Variants in CA4 observed in about 807,000 individuals in gnomAD.
CA4 encodes CA-IV.
Under a neutral mutation model 34.5 loss-of-function variants are expected in CA4, and 24 were observed. That is an observed-to-expected ratio of 0.70 (90% CI 0.50 to 0.98). CA4 has a LOEUF of 0.98. Among genes scored for constraint, CA4 ranks in the 50% least tolerant of loss-of-function variants. The probability of loss-of-function intolerance (pLI) is 0.00; values close to 1 mark genes in which losing one functional copy is unlikely to be tolerated. For synonymous variants in CA4, 178 were observed against 170.6 expected (o/e 1.04, Z -0.34); for missense variants, 394 against 396.7 (o/e 0.99, Z 0.06).
chr17:60,158,040 G>C (rs759342260), intron 5 of CA4, 21 bp from the exon 6 acceptor site: 2 of 1,613,470 alleles, frequency 1.2e-6, no homozygotes, highest in Non-Finnish European at 1.7e-6. Context: ...ACTTTCTCAA[G>C]ACCCTTCCCT....
rs1364178011 is a variant in CA4 at position 60,157,793 on chromosome 17, G to T, written c.513+5G>T. 1 of 1,610,240 alleles carries T rather than the reference G, an allele frequency of 6.2e-7. No individual in the cohort carries two copies. The highest frequency in any genetic ancestry group is 8.5e-7 in the Non-Finnish European group (1 of 1,176,504). On this transcript the variant is annotated splice_donor_5th_base_variant and intron_variant, in intron 5 of 7. Transcript: ENST00000300900. ...GTGCTGGCCTTTCTGGTGGAGGTGG[G>T]ACTCCCATCCCCCACTTCCCGGGGA...
downstream of CA4, among the ~76,000 whole-genome samples, chr17:60,162,503 T>C (rs1192203538): frequency 6.6e-6 from 1 of 150,444 alleles, no homozygotes; most frequent in Admixed American, 6.6e-5. Context: ...CCCTGAGCCC[T>C]CCTTTCATTC....
downstream of CA4, among the ~76,000 whole-genome samples, chr17:60,161,339 A>G (rs2083786209): frequency 6.6e-6 from 1 of 152,110 alleles, no homozygotes; most frequent in Admixed American, 6.5e-5. Flanking sequence ...CGCAGCTGTC[A>G]GACCTCATCA....
chr17:60,164,687 G>A lies in CA4; in HGVS notation c.*179-5864G>A, dbSNP rs571198556. Among the ~76,000 whole-genome samples the A allele has an allele frequency of 5.9e-5, 9 of 152,206 alleles. No homozygotes were observed. In the South Asian group the frequency reaches 1.0e-3, roughly 18 times the overall value. ...ATTATAGGCATGAGCCACCATGCCC[G>A]GCCTTAATCTTTCAACAAACACTAT... On this transcript the variant is annotated intron_variant and NMD_transcript_variant, in intron 5 of 5. Transcript: ENST00000586876.
Position 60,155,303 on chromosome 17 carries a change from C to T in CA4, c.59-11C>T, listed in dbSNP as rs1241099723. ...CGCACGCACACTTCACACCCTTCCTCTCTGCTCCAGAGTCACACTGGTGCT... is the reference window on the plus strand; with the variant it reads ...CGCACGCACACTTCACACCCTTCCTTTCTGCTCCAGAGTCACACTGGTGCT... On this transcript the variant is annotated splice_polypyrimidine_tract_variant and intron_variant, in intron 1 of 7. Transcript: ENST00000300900. 3.1e-6 allele frequency: 5 copies of T among 1,611,182 alleles called. No individual in the cohort carries two copies. Among genetic ancestry groups the T allele is most frequent in the Non-Finnish European group, 4.2e-6 (5 of 1,178,736 alleles).
chr17:60,161,464 C>T (rs924258309), downstream of CA4, among the ~76,000 whole-genome samples: 1 of 152,044 alleles, frequency 6.6e-6, no homozygotes, highest in Non-Finnish European at 1.5e-5. Context: ...GCTGAGAGTC[C>T]GGAGGTAGAG....
At chr17:60,172,020 A>T (rs1290173394), downstream of CA4, among the ~76,000 whole-genome samples, 1 of 152,092 alleles carries the variant, frequency 6.6e-6, no homozygotes, top group African/African-American at 2.4e-5. Flanking sequence ...GCCTCTGATG[A>T]TGGCCGTAGG....
At chr17:60,150,935 G>T (rs370054711) in intron 1 of CA4, among the ~76,000 whole-genome samples, 1 of 152,102 alleles carries the variant, frequency 6.6e-6, no homozygotes, top group African/African-American at 2.4e-5. Context: ...GGCGGGGGCG[G>T]GGGGTGGGGG....
At chr17:60,158,663 T>A (rs1597996581) in intron 7 of CA4, 1 of 596,732 alleles carries the variant, frequency 1.7e-6, no homozygotes, top group Non-Finnish European at 3.0e-6. Context: ...GAAGGTGGAG[T>A]CATTCAGAAA....
chr17:60,178,206 T>G, the CA4 span, among the ~76,000 whole-genome samples: 2 of 152,230 alleles, frequency 1.3e-5, no homozygotes, highest in East Asian at 3.8e-4. Flanking sequence ...GGATGTGTTT[T>G]GTTTGTAATT....
chr17:60,153,017 C>T (rs892355130), intron 1 of CA4, among the ~76,000 whole-genome samples: 3 of 152,180 alleles, frequency 2.0e-5, no homozygotes, highest in Non-Finnish European at 2.9e-5. Flanking sequence ...ATCTGGAGAG[C>T]AAAGGCATTC....
At chr17:60,178,045 G>T in the CA4 span, among the ~76,000 whole-genome samples, 1 of 151,922 alleles carries the variant, frequency 6.6e-6, no homozygotes, top group Non-Finnish European at 1.5e-5. Flanking sequence ...AGTAAGCAAA[G>T]AAACATAACT....
At chr17:60,151,256 C>A (rs889519226) in intron 1 of CA4, among the ~76,000 whole-genome samples, 1 of 152,068 alleles carries the variant, frequency 6.6e-6, no homozygotes, top group Non-Finnish European at 1.5e-5. Flanking sequence ...AAGTTAGGTG[C>A]TCCATCCTCA....
intron 2 of CA4, among the ~76,000 whole-genome samples, chr17:60,155,897 T>C (rs2083675580): frequency 6.6e-6 from 1 of 152,224 alleles, no homozygotes; most frequent in Non-Finnish European, 1.5e-5. Context: ...GCAGGGTGCC[T>C]GAGTGATGGT....
In CA4 at chr17:60,156,723, G is replaced by A. The variant is rs2083692251; in HGVS notation, c.268+8G>A. 7 of 1,613,434 alleles carry A rather than the reference G, an allele frequency of 4.3e-6. No individual in the cohort carries two copies. The highest frequency in any genetic ancestry group is 5.9e-6 in the Non-Finnish European group (7 of 1,179,392). On this transcript the variant is annotated splice_region_variant and intron_variant, in intron 3 of 7. Transcript: ENST00000300900. The stretch of plus-strand genomic sequence containing the variant: ...AAAATAACGGGCACTCAGGTGGGCT[G>A]GATGGAGGCCCCAGGCAGGCCTGGG...
downstream of CA4, among the ~76,000 whole-genome samples, chr17:60,172,476 C>A (rs2083919073): frequency 6.6e-6 from 1 of 152,122 alleles, no homozygotes; most frequent in South Asian, 2.1e-4. Context: ...AAATTCCAGC[C>A]AAAGTGGATT....
At chr17:60,169,250 C>CAAAAAAAAAAAAAA (rs1555574043) in intron 5 of CA4, among the ~76,000 whole-genome samples, 1 of 122,890 alleles carries the variant, frequency 8.1e-6, no homozygotes, top group African/African-American at 3.3e-5. Context: ...CCCTCTGTCT[C>CAAAAAAAAAAAAAA]AAAAAAAAAA....
chr17:60,161,929 C>T (rs1262266532), downstream of CA4, among the ~76,000 whole-genome samples: 1 of 152,050 alleles, frequency 6.6e-6, no homozygotes, highest in East Asian at 1.9e-4. Flanking sequence ...CCCAATGGCA[C>T]TGCATCCCCA....
chr17:60,150,208 G>C, intron 1 of CA4, 116 bp downstream of exon 1: 2 of 873,898 alleles, frequency 2.3e-6, no homozygotes, highest in South Asian at 3.2e-5. Context: ...TGGCGCTGGG[G>C]TCCCGGGTTG....
Sources: allele counts gnomAD v4.1 joint callset (sites outside exome capture counted in the v4.1 genomes callset), GRCh38; gene constraint gnomAD v4.1.1; transcripts MANE v1.5; gene names NCBI Gene and HGNC (gene_info 2026-07-23, HGNC 2026-07-21).